The following SLC24A2 variants were observed in gnomAD, a reference collection of about 807,000 sequenced individuals.
SLC24A2 encodes the protein sodium/potassium/calcium exchanger 2.
In SLC24A2, 36 loss-of-function variants were observed where a neutral mutation model predicts 62.0. The ratio of observed to expected loss-of-function variants is 0.58; its 90% CI spans 0.44 to 0.77. The LOEUF is 0.77. SLC24A2 is among the 30% of genes least tolerant of loss of function. The pLI is 0.00. For synonymous variants in SLC24A2, 358 were observed against 294.0 expected, an observed-to-expected ratio of 1.22 and a Z score of -2.23; for missense variants, 846 against 817.9, an observed-to-expected ratio of 1.03 and a Z score of -0.42.
chr9:19,917,291 T>G, the SLC24A2 span, among the ~76,000 whole-genome samples: 49 of 151,288 alleles, frequency 3.2e-4, no homozygotes, highest in Non-Finnish European at 5.6e-4. Context: ...CCATAATATT[T>G]TCTTTGTTAT....
chr9:20,205,904 AT>A, the SLC24A2 span, among the ~76,000 whole-genome samples: 1 of 152,156 alleles, frequency 6.6e-6, no homozygotes, highest in Admixed American at 6.5e-5. Context: ...CGACAATGAT[AT>A]TAATGAATTA....
chr9:19,844,444 TA>T, the SLC24A2 span, among the ~76,000 whole-genome samples: 1 of 152,320 alleles, frequency 6.6e-6, no homozygotes, highest in Non-Finnish European at 1.5e-5. Context: ...AGTTTGCAGA[TA>T]TTTTTTCATT....
chr9:19,635,518 G>A (rs183408296), intron 2 of SLC24A2, among the ~76,000 whole-genome samples: 206 of 152,204 alleles, frequency 1.4e-3, no homozygotes, highest in Non-Finnish European at 2.4e-3. Context: ...GATATCTTTG[G>A]AAAGGATTTA....
the SLC24A2 span, among the ~76,000 whole-genome samples, chr9:19,909,563 A>C: frequency 6.6e-6 from 1 of 152,118 alleles, no homozygotes; most frequent in African/African-American, 2.4e-5. Flanking sequence ...ACTATAAATT[A>C]TGGAGAAATG....
At chr9:20,092,477 CATTAGTGTTAGTGT>C in the SLC24A2 span, among the ~76,000 whole-genome samples, 1 of 152,036 alleles carries the variant, frequency 6.6e-6, no homozygotes, top group Non-Finnish European at 1.5e-5. Flanking sequence ...CATCAGCTAT[CATTAGTGTTAGTGT>C]ATTAGTGTTA....
the SLC24A2 span, among the ~76,000 whole-genome samples, chr9:20,005,904 T>C: frequency 5.3e-5 from 8 of 151,058 alleles, no homozygotes; most frequent in East Asian, 1.4e-3. Context: ...AGTTTATTTG[T>C]CATATGAAAA....
the SLC24A2 span, among the ~76,000 whole-genome samples, chr9:19,978,065 T>C: frequency 1.3e-5 from 2 of 152,146 alleles, no homozygotes; most frequent in Non-Finnish European, 2.9e-5. Flanking sequence ...AATAGATGGG[T>C]GTTCAGACTT....
At chr9:19,549,831 A>C (rs552205695) in intron 8 of SLC24A2, among the ~76,000 whole-genome samples, 7 of 152,234 alleles carry the variant, frequency 4.6e-5, no homozygotes, top group African/African-American at 1.2e-4. Context: ...AAAGACTAAA[A>C]GGATGGTTGT....
At chr9:19,713,753 A>G (rs1564058078) in intron 2 of SLC24A2, among the ~76,000 whole-genome samples, 1 of 152,200 alleles carries the variant, frequency 6.6e-6, no homozygotes, top group African/African-American at 2.4e-5. Flanking sequence ...CATGTGCTGA[A>G]GTCCTTACTT....
the SLC24A2 span, among the ~76,000 whole-genome samples, chr9:20,140,087 A>G: frequency 2.8e-3 from 426 of 152,342 alleles, no homozygotes; most frequent in African/African-American, 9.8e-3. Flanking sequence ...CTAAGGAACC[A>G]TAAATCACTT....
chr9:20,027,122 A>G, the SLC24A2 span, among the ~76,000 whole-genome samples: 1 of 152,224 alleles, frequency 6.6e-6, no homozygotes, highest in South Asian at 2.1e-4. Context: ...ATGAGCTATT[A>G]TCTCATCCCA....
At chr9:19,851,570 C>A in the SLC24A2 span, among the ~76,000 whole-genome samples, 9,273 of 152,092 alleles carry the variant, frequency 0.061, 420 homozygotes, top group East Asian at 0.21. Context: ...TAAGTGAGAA[C>A]CTGTGGTGCT....
intron 2 of SLC24A2, among the ~76,000 whole-genome samples, chr9:19,779,662 C>A (rs547856453): frequency 1.3e-5 from 2 of 152,250 alleles, no homozygotes; most frequent in East Asian, 3.9e-4. Context: ...AGGGGAAAAA[C>A]CAGTACATAT....
At chr9:20,194,435 C>T in the SLC24A2 span, among the ~76,000 whole-genome samples, 3 of 152,050 alleles carry the variant, frequency 2.0e-5, no homozygotes, top group Non-Finnish European at 4.4e-5. Flanking sequence ...ATGCTCATGG[C>T]CACTCCTCAC....
At chr9:20,304,982 C>T in the SLC24A2 span, among the ~76,000 whole-genome samples, 2 of 151,944 alleles carry the variant, frequency 1.3e-5, no homozygotes, top group East Asian at 3.9e-4. Context: ...TATCCAACTA[C>T]TTAAATGACT....
chr9:20,203,553 C>T, the SLC24A2 span, among the ~76,000 whole-genome samples: 1 of 152,136 alleles, frequency 6.6e-6, no homozygotes. Context: ...TAATTCAAAA[C>T]CTCTTCTTGG....
At chr9:20,047,110 G>A in the SLC24A2 span, among the ~76,000 whole-genome samples, 3 of 152,062 alleles carry the variant, frequency 2.0e-5, no homozygotes, top group Non-Finnish European at 2.9e-5. Context: ...ACTCAGAACA[G>A]CATCTGTCCA....
the SLC24A2 span, among the ~76,000 whole-genome samples, chr9:20,105,558 T>G: frequency 6.6e-6 from 1 of 151,894 alleles, no homozygotes; most frequent in East Asian, 1.9e-4. Flanking sequence ...TCAAAACCAC[T>G]CAACTACATG....
chr9:19,979,574 G>C, the SLC24A2 span, among the ~76,000 whole-genome samples: 1 of 152,060 alleles, frequency 6.6e-6, no homozygotes, highest in African/African-American at 2.4e-5. Context: ...AAGCACAAAC[G>C]ATTTCTTTGC....
Sources: gnomAD v4.1 joint callset for allele counts (sites outside exome capture counted in the v4.1 genomes callset) on GRCh38, gnomAD v4.1.1 for gene constraint, MANE v1.5 for transcripts, NCBI Gene and HGNC (gene_info 2026-07-23, HGNC 2026-07-21) for gene names.